ANKRD30BL: variants seen among roughly 807,000 people sequenced by gnomAD.
ANKRD30BL encodes the protein putative ankyrin repeat domain-containing protein 30B-like.
In ANKRD30BL, 20 loss-of-function variants were observed where a neutral mutation model predicts 18.4. The ratio of observed to expected loss-of-function variants is 1.09; its 90% CI spans 0.77 to 1.58. The LOEUF (loss-of-function observed/expected upper bound fraction) is 1.58, where lower values mean the gene tolerates loss of function less well. Among genes scored for constraint, ANKRD30BL ranks in the 40% most tolerant of loss-of-function variants. ANKRD30BL has a pLI of 0.00. For synonymous variants in ANKRD30BL, 72 were observed against 100.9 expected, an observed-to-expected ratio of 0.71 and a Z score of 1.72; for missense variants, 224 against 268.6, an observed-to-expected ratio of 0.83 and a Z score of 1.16.
At chr2:132,186,971 T>C (rs1346933772) in intron 1 of ANKRD30BL, among the ~76,000 whole-genome samples, 7 of 152,042 alleles carry the variant, frequency 4.6e-5, no homozygotes, top group Non-Finnish European at 4.4e-5. Context: ...AGGTTGAAAA[T>C]TGTCATCCCA....
intron 1 of ANKRD30BL, among the ~76,000 whole-genome samples, chr2:132,179,403 C>T (rs1238692331): frequency 1.3e-5 from 2 of 151,568 alleles, no homozygotes; most frequent in Non-Finnish European, 1.5e-5. Context: ...ATTTTTCTGC[C>T]TCAGCCTCCC....
chr2:132,245,489 TGC>T (rs1680472262), intron 1 of ANKRD30BL, among the ~76,000 whole-genome samples: 11 of 152,268 alleles, frequency 7.2e-5, no homozygotes, highest in African/African-American at 2.7e-4. Flanking sequence ...TGCTTTGTGA[TGC>T]TTGCAATCAA....
chr2:132,164,826 C>T (rs1361948770), upstream of ANKRD30BL, among the ~76,000 whole-genome samples: 2 of 152,116 alleles, frequency 1.3e-5, no homozygotes, highest in Non-Finnish European at 1.5e-5. Flanking sequence ...AATCCCAGCA[C>T]TTTGGGAGGC....
chr2:132,190,897 G>T (rs924133252), intron 1 of ANKRD30BL, among the ~76,000 whole-genome samples: 21 of 151,948 alleles, frequency 1.4e-4, no homozygotes, highest in African/African-American at 3.9e-4. Context: ...ACATACTATT[G>T]TAGGATTTGT....
upstream of ANKRD30BL, among the ~76,000 whole-genome samples, chr2:132,165,347 T>C (rs1309292188): frequency 1.3e-5 from 2 of 151,956 alleles, no homozygotes; most frequent in Non-Finnish European, 2.9e-5. Context: ...TATATATTCA[T>C]GTGTCAGTTT....
rs375385210 is a variant in ANKRD30BL, at chr2:132,151,984, A to G, written c.615-1008T>C. ...TTCATTTCCAGCTGCTGTGGAAGAC[A>G]AAACCCTACCTTTATTTTTTGTAAG... On this transcript the variant is annotated intron_variant, in intron 4 of 5. Coordinates refer to ENST00000409867, the MANE Select transcript of ANKRD30BL (RefSeq NM_001358416.1). Among the ~76,000 whole-genome samples, 17 of 152,242 alleles carry G rather than the reference A, an allele frequency of 1.1e-4. No homozygotes were observed. In the East Asian group the frequency reaches 3.3e-3, roughly 30 times the overall value.
chr2:132,171,393 G>C (rs1248212757), intron 1 of ANKRD30BL, among the ~76,000 whole-genome samples: 5 of 152,156 alleles, frequency 3.3e-5, no homozygotes, highest in African/African-American at 4.8e-5. Flanking sequence ...TGTATTAGTT[G>C]ATTTGATCCT....
intron 1 of ANKRD30BL, among the ~76,000 whole-genome samples, chr2:132,229,308 C>A (rs371603954): frequency 2.7e-4 from 41 of 152,014 alleles, no homozygotes; most frequent in Non-Finnish European, 1.6e-4. Flanking sequence ...AAGAAGAATT[C>A]TGAGAAACTT....
At chr2:132,242,277 C>T (rs2104796865) in intron 1 of ANKRD30BL, among the ~76,000 whole-genome samples, 1 of 151,042 alleles carries the variant, frequency 6.6e-6, no homozygotes, top group East Asian at 2.0e-4. Context: ...TGAAAATTCC[C>T]TTTCATGGAG....
chr2:132,182,264 C>G (rs936985841), intron 1 of ANKRD30BL, among the ~76,000 whole-genome samples: 1 of 151,992 alleles, frequency 6.6e-6, no homozygotes. Context: ...GGGCAGATCA[C>G]GAGGTCAGGA....
At chr2:132,160,905 G>A (rs1310763293) in intron 1 of ANKRD30BL, among the ~76,000 whole-genome samples, 112 of 150,068 alleles carry the variant, frequency 7.5e-4, no homozygotes, top group African/African-American at 2.4e-3. Context: ...TAAAGAACTT[G>A]CATCTTCAGA....
rs1679011845 is a variant in ANKRD30BL at position 132,198,306 on chromosome 2, TTC to T, written n.442-41162_442-41161del. Among the ~76,000 whole-genome samples the T allele has an allele frequency of 5.5e-4, 7 of 12,614 alleles. No individual in the cohort carries two copies. In the South Asian group the frequency reaches 0.014, roughly 25 times the overall value. The allele number at this position is 12,614 out of a possible 152,430, so 8.3% of individuals were successfully genotyped here. ...TTTCTTTCTTTCTTTCTTTCTTTCT[TTC>T]TTTCTTTCTTTCTTTCTTTTTTTTT... On this transcript the variant is annotated intron_variant and non_coding_transcript_variant, in intron 1 of 4. Transcript: ENST00000470729.
chr2:132,197,766 A>G (rs1678995824), intron 1 of ANKRD30BL, among the ~76,000 whole-genome samples: 1 of 151,896 alleles, frequency 6.6e-6, no homozygotes, highest in African/African-American at 2.4e-5. Context: ...TTGACCTTTA[A>G]AAAATATATT....
intron 1 of ANKRD30BL, among the ~76,000 whole-genome samples, chr2:132,253,804 AGG>A (rs1395693330): frequency 6.8e-6 from 1 of 146,208 alleles, no homozygotes; most frequent in Admixed American, 6.7e-5. Flanking sequence ...GGGGCGGATG[AGG>A]GGGGTGGGAC....
intron 1 of ANKRD30BL, among the ~76,000 whole-genome samples, chr2:132,233,563 C>G (rs1680077937): frequency 6.7e-6 from 1 of 149,690 alleles, no homozygotes; most frequent in African/African-American, 2.5e-5. Flanking sequence ...AGACTTTAAA[C>G]CAACAAAGAT....
intron 1 of ANKRD30BL, among the ~76,000 whole-genome samples, chr2:132,231,123 G>T (rs1419645005): frequency 2.0e-5 from 3 of 147,462 alleles, no homozygotes; most frequent in Middle Eastern, 3.6e-3. Context: ...CATTTGGAGA[G>T]ATTTGAGGCC....
At chr2:132,153,604 T>G in intron 4 of ANKRD30BL, 2 of 808,892 alleles carry the variant, frequency 2.5e-6, no homozygotes, top group Non-Finnish European at 3.9e-6. Flanking sequence ...TCATTCCACA[T>G]GTAGCTTCAG....
chr2:132,157,134 G>A lies in ANKRD30BL; in HGVS notation c.346C>T (p.Gln116Ter), dbSNP rs1687930194. 2 of 1,435,304 alleles carry A rather than the reference G, an allele frequency of 1.4e-6. No homozygotes were observed. Among genetic ancestry groups the A allele is most frequent in the South Asian group, 2.6e-5 (2 of 76,458 alleles). The allele number at this position is 1,435,304 out of a possible 1,614,324, so 88.9% of individuals were successfully genotyped here. The change falls in exon 3 of 6, where the codon CAG (glutamine) becomes TAG (stop). Residue 116 changes from glutamine (Q) to a stop codon, truncating the protein, a stop_gained. Transcript: ENST00000409867. LOFTEE classifies it high-confidence loss of function. ...RTILMKALQC[Q>*]REACANILID... is the part of the protein sequence containing the mutation. ...AGAATATTTGCACAAGCCTCCCTCT[G>A]GCATTGCAGAGCCTGTCAGTATTAA...
chr2:132,180,068 A>G (rs1240574964), intron 1 of ANKRD30BL, among the ~76,000 whole-genome samples: 3 of 152,168 alleles, frequency 2.0e-5, no homozygotes, highest in Non-Finnish European at 4.4e-5. Flanking sequence ...TAAATTTGGC[A>G]TAGCTTAAGT....
Sources: allele counts gnomAD v4.1 joint callset (sites outside exome capture counted in the v4.1 genomes callset), GRCh38; gene constraint gnomAD v4.1.1; transcripts MANE v1.5; gene names NCBI Gene and HGNC (gene_info 2026-07-23, HGNC 2026-07-21).